Variants in DMXL1 observed in about 807,000 individuals in gnomAD.
DMXL1 encodes dmX-like protein 1.
Under a neutral mutation model 319.2 loss-of-function variants are expected in DMXL1, and 99 were observed. The ratio of observed to expected loss-of-function variants is 0.31; its 90% confidence interval spans 0.26 to 0.37. DMXL1 has a LOEUF of 0.37. DMXL1 is among the 10% of genes least tolerant of loss of function. DMXL1 has a pLI of 1.00. For missense variants in DMXL1, 3,745 were observed against 3,595.6 expected (o/e 1.04, Z -1.06); for synonymous variants, 1,385 against 1,235.2 (o/e 1.12, Z -2.54).
rs753040598 is a variant in DMXL1 at position 119,221,012 on chromosome 5, T to C, written c.8208T>C (p.His2736=). Residue 2736 remains histidine, a synonymous_variant, in exon 37 of 44, where the codon CAT becomes CAC. Coordinates refer to ENST00000539542, the MANE Select transcript of DMXL1 (RefSeq NM_001290321.3). The part of the protein sequence containing the change: ...TAVQGTTPYT[H]SNPGTPINMP... Reference sequence around the variant, plus strand: ...TTCAAGGTACAACTCCATATACACATAGCAATCCTGGCACTCCAATCAACA... The same window carrying C: ...TTCAAGGTACAACTCCATATACACACAGCAATCCTGGCACTCCAATCAACA... 1.2e-6 allele frequency: 2 copies of C among 1,613,818 alleles called. No individual in the cohort carries two copies. The highest frequency in any genetic ancestry group is 2.7e-5 in the African/African-American group (2 of 75,030).
At chr5:119,118,708 A>G (rs1387098537) in intron 7 of DMXL1, 107 bp from the exon 8 acceptor site, 1 of 815,836 alleles carries the variant, frequency 1.2e-6, no homozygotes, top group African/African-American at 1.7e-5. Flanking sequence ...TATTTTCTTC[A>G]TTGGTACCTT....
intron 10 of DMXL1, 91 bp from the exon 11 acceptor site, chr5:119,133,041 A>C: frequency 7.1e-7 from 1 of 1,415,748 alleles, no homozygotes; most frequent in South Asian, 1.4e-5. Context: ...TGAGATCTCC[A>C]TGTGTTCAGC....
intron 35 of DMXL1, among the ~76,000 whole-genome samples, chr5:119,218,334 G>C (rs1245265480): frequency 6.6e-6 from 1 of 152,102 alleles, no homozygotes; most frequent in Non-Finnish European, 1.5e-5. Flanking sequence ...ATAAGTACTG[G>C]TAATGAATAG....
intron 1 of DMXL1, among the ~76,000 whole-genome samples, chr5:119,097,284 T>C (rs942363194): frequency 4.6e-5 from 7 of 152,196 alleles, no homozygotes; most frequent in Non-Finnish European, 8.8e-5. Context: ...GGAAAATAAC[T>C]TGGTGCAGTA....
At chr5:119,151,178 C>G (rs1185112668) in intron 18 of DMXL1, among the ~76,000 whole-genome samples, 5 of 151,524 alleles carry the variant, frequency 3.3e-5, no homozygotes, top group Non-Finnish European at 7.4e-5. Context: ...AATGTATGCT[C>G]CTACCTAGAA....
chr5:119,170,605 T>G lies in DMXL1; in HGVS notation c.5814T>G (p.Gly1938=). 2 of 1,613,738 alleles carry G rather than the reference T, an allele frequency of 1.2e-6. No individual in the cohort carries two copies. Among genetic ancestry groups the G allele is most frequent in the Non-Finnish European group, 1.7e-6 (2 of 1,179,844 alleles). The part of the protein sequence containing the change: ...LINGFGSSSE[G]SSEKQSNSTL... ...ATGGTTTTGGATCTTCTTCAGAGGG[T>G]TCCTCAGAGAAGCAATCAAACTCCA... is the stretch of plus-strand genomic sequence containing the variant. The change falls in exon 24 of 44, where the codon GGT becomes GGG. Residue 1938 remains glycine, a synonymous_variant. Transcript: ENST00000539542.
chr5:119,114,688 T>A (rs1238754835), intron 6 of DMXL1, 147 bp downstream of exon 6: 1 of 637,260 alleles, frequency 1.6e-6, no homozygotes. Flanking sequence ...GTTTGTTTTG[T>A]GATGGAGACT....
In DMXL1 at chr5:119,197,738, C is replaced by T; in HGVS notation, c.7544-17C>T. The T allele has an allele frequency of 6.2e-7, 1 of 1,611,670 alleles. No individual in the cohort carries two copies. The highest frequency in any genetic ancestry group is 1.3e-5 in the African/African-American group (1 of 74,864). On this transcript the variant is annotated splice_polypyrimidine_tract_variant and intron_variant, in intron 31 of 43. Coordinates refer to ENST00000539542, the MANE Select transcript of DMXL1 (RefSeq NM_001290321.3). Reference sequence around the variant, plus strand: ...TTTACTGCATAAGATTAATATGAGTCAATGTTCCCATTTTAGAGCTTCCAG... The same window carrying T: ...TTTACTGCATAAGATTAATATGAGTTAATGTTCCCATTTTAGAGCTTCCAG...
intron 5 of DMXL1, among the ~76,000 whole-genome samples, chr5:119,110,724 G>A (rs1759386585): frequency 6.6e-6 from 1 of 152,168 alleles, no homozygotes; most frequent in Non-Finnish European, 1.5e-5. Context: ...GAGAAATTCT[G>A]AAAGAAAAGA....
At position 119,133,504 on chromosome 5, in the gene DMXL1, T is replaced by C; in HGVS notation, c.1580T>C (p.Val527Ala). Residue 527 changes from valine (V) to alanine (A), a missense_variant, in exon 12 of 44, where the codon GTT becomes GCT. Physicochemically the swap from Val to Ala is moderately conservative, Grantham distance 64. Transcript: ENST00000539542. ...CTTTCTTGATTCTAGGTGTCCTTTG[T>C]TTCCAGAATTCCAGTAGCTTTCCCC... ...GMFRQVQVSF[V>A]SRIPVAFPTG... The C allele has an allele frequency of 6.2e-7, 1 of 1,605,458 alleles. No homozygotes were observed. The highest frequency in any genetic ancestry group is 8.5e-7 in the Non-Finnish European group (1 of 1,176,986).
chr5:119,071,805 G>C, intron 1 of DMXL1, 149 bp downstream of exon 1: 1 of 638,100 alleles, frequency 1.6e-6, no homozygotes. Flanking sequence ...CCTGGCCCTT[G>C]AGAACTAAGG....
chr5:119,101,709 A>G (rs1042441114), intron 2 of DMXL1, among the ~76,000 whole-genome samples: 2 of 152,214 alleles, frequency 1.3e-5, no homozygotes, highest in African/African-American at 4.8e-5. Flanking sequence ...GAACACTGTA[A>G]TGGAAACTAA....
intron 19 of DMXL1, among the ~76,000 whole-genome samples, 164 bp downstream of exon 19, chr5:119,152,200 T>C (rs1769954562): frequency 6.6e-6 from 1 of 152,236 alleles, no homozygotes; most frequent in Non-Finnish European, 1.5e-5. Flanking sequence ...TAATCTTTGC[T>C]TAAAACATTG....
intron 32 of DMXL1, among the ~76,000 whole-genome samples, chr5:119,200,601 G>A (rs1345196316): frequency 6.6e-6 from 1 of 152,086 alleles, no homozygotes; most frequent in Non-Finnish European, 1.5e-5. Flanking sequence ...CTCTAGTTCT[G>A]TGAAGAATGT....
chr5:119,080,663 A>G (rs1265065851), intron 1 of DMXL1, among the ~76,000 whole-genome samples: 1 of 152,166 alleles, frequency 6.6e-6, no homozygotes, highest in Admixed American at 6.5e-5. Context: ...CTGTCCCTGT[A>G]TTTAATCATA....
chr5:119,238,322 A>G (rs1050388298), intron 40 of DMXL1, among the ~76,000 whole-genome samples: 1 of 152,066 alleles, frequency 6.6e-6, no homozygotes, highest in Admixed American at 6.6e-5. Flanking sequence ...TGATTTTGGG[A>G]TACTTAAAAA....
chr5:119,085,365 T>TAA (rs1325823308), intron 1 of DMXL1, among the ~76,000 whole-genome samples: 1 of 150,936 alleles, frequency 6.6e-6, no homozygotes, highest in African/African-American at 2.4e-5. Context: ...AATAAATAAA[T>TAA]ATAATAATAA....
Position 119,134,449 on chromosome 5 carries a change from A to G in DMXL1, c.2376+60A>G, listed in dbSNP as rs954524427. 1.4e-5 allele frequency: 20 copies of G among 1,384,758 alleles called. 1 individual carries two copies. Among genetic ancestry groups the G allele is most frequent in the Non-Finnish European group, 2.0e-5 (20 of 1,020,808 alleles). 85.8% of individuals were successfully genotyped at this position (1,384,758 alleles called of 1,614,324 possible). ...AATATTATGTTTTCAGATAGTTTAT[A>G]TTTATTGGGCATGTTCTACAATTGT... On this transcript the variant is annotated intron_variant, in intron 13 of 43. Coordinates refer to ENST00000539542, the MANE Select transcript of DMXL1 (RefSeq NM_001290321.3).
intron 3 of DMXL1, among the ~76,000 whole-genome samples, chr5:119,104,644 G>A (rs534930786): frequency 6.6e-6 from 1 of 152,278 alleles, no homozygotes; most frequent in East Asian, 1.9e-4. Context: ...ATATTTATTT[G>A]TATGTGTGTG....
Sources: gnomAD v4.1 joint callset for allele counts (sites outside exome capture counted in the v4.1 genomes callset) on GRCh38, gnomAD v4.1.1 for gene constraint, MANE v1.5 for transcripts, NCBI Gene and HGNC (gene_info 2026-07-23, HGNC 2026-07-21) for gene names.